The following GNAZ variants were observed in gnomAD, a reference collection of about 807,000 sequenced individuals.
GNAZ encodes guanine nucleotide-binding protein G(z) subunit alpha.
GNAZ carries 3 observed loss-of-function variants against 25.4 expected under a neutral mutation model. That is an observed-to-expected ratio of 0.12 (90% CI 0.05 to 0.30). The LOEUF (loss-of-function observed/expected upper bound fraction) is 0.30, where lower values mean the gene tolerates loss of function less well. Ranked by LOEUF, GNAZ falls within the 10% of genes least tolerant of loss-of-function variation. The pLI is 1.00. For missense variants in GNAZ, 241 were observed against 501.8 expected (o/e 0.48, Z 4.97); for synonymous variants, 211 against 205.7 (o/e 1.03, Z -0.22).
intron 1 of GNAZ, among the ~76,000 whole-genome samples, chr22:23,079,442 G>A (rs2068609777): frequency 6.6e-6 from 1 of 152,156 alleles, no homozygotes; most frequent in African/African-American, 2.4e-5. Flanking sequence ...GGCAGCTAGA[G>A]GCAGCATGGC....
intron 1 of GNAZ, among the ~76,000 whole-genome samples, chr22:23,078,154 AC>A (rs982258961): frequency 6.6e-6 from 1 of 150,650 alleles, no homozygotes; most frequent in Non-Finnish European, 1.5e-5. Flanking sequence ...CAGCATGGTC[AC>A]CCCCTCACCC....
intron 1 of GNAZ, among the ~76,000 whole-genome samples, chr22:23,086,434 G>A (rs1212580047): frequency 1.3e-5 from 2 of 152,248 alleles, no homozygotes; most frequent in Non-Finnish European, 2.9e-5. Flanking sequence ...GGGGTGGCAC[G>A]GAGGTGCAGC....
intron 1 of GNAZ, among the ~76,000 whole-genome samples, chr22:23,078,375 G>T (rs924498938): frequency 6.6e-6 from 1 of 152,214 alleles, no homozygotes; most frequent in Non-Finnish European, 1.5e-5. Flanking sequence ...GCACAGCCAT[G>T]CCCAGCCTTG....
chr22:23,118,185 C>T (rs926369673), intron 2 of GNAZ, among the ~76,000 whole-genome samples: 5 of 152,210 alleles, frequency 3.3e-5, no homozygotes, highest in Non-Finnish European at 7.3e-5. Context: ...ATGACTTCCA[C>T]ACCACCCCAG....
At position 23,071,264 on chromosome 22, in the gene GNAZ, C is replaced by A. The variant is rs1328093821; in HGVS notation, c.-450+694C>A. On this transcript the variant is annotated intron_variant, in intron 1 of 2. Transcript: ENST00000615612. The surrounding 1 kb of genome is among the most constrained non-coding windows in gnomAD (Gnocchi z 4.1). ...CTCAGGGCTGGCGCTCCGTATCCTG[C>A]GGGCGATCCGAGGGGGCTCTGCCTT... Among the ~76,000 whole-genome samples the A allele has an allele frequency of 6.6e-6, 1 of 152,108 alleles. No homozygotes were observed. Among genetic ancestry groups the A allele is most frequent in the Non-Finnish European group, 1.5e-5 (1 of 68,020 alleles).
At chr22:23,087,519 G>A (rs753368004) in intron 1 of GNAZ, among the ~76,000 whole-genome samples, 18 of 152,198 alleles carry the variant, frequency 1.2e-4, no homozygotes, top group Non-Finnish European at 2.1e-4. Context: ...AGACAGAGCC[G>A]ATTCTTCAAG....
intron 2 of GNAZ, among the ~76,000 whole-genome samples, chr22:23,113,888 G>A (rs1446732500): frequency 1.3e-5 from 2 of 152,334 alleles, no homozygotes; most frequent in African/African-American, 2.4e-5. Context: ...GCAGGCACCC[G>A]CTACCGATGG....
intron 2 of GNAZ, among the ~76,000 whole-genome samples, chr22:23,107,856 A>G (rs1209334526): frequency 6.6e-6 from 1 of 152,152 alleles, no homozygotes; most frequent in Non-Finnish European, 1.5e-5. Flanking sequence ...GTTCTGCCAG[A>G]TTGACCCATT....
chr22:23,112,435 G>A (rs2069682050), intron 2 of GNAZ, among the ~76,000 whole-genome samples: 1 of 152,182 alleles, frequency 6.6e-6, no homozygotes, highest in African/African-American at 2.4e-5. Flanking sequence ...TGGTTGAAGA[G>A]GTGCGGGGAG....
At chr22:23,094,755 T>A (rs2069075790) in intron 1 of GNAZ, among the ~76,000 whole-genome samples, 1 of 152,222 alleles carries the variant, frequency 6.6e-6, no homozygotes, top group Non-Finnish European at 1.5e-5. Context: ...CTCCTGGTGC[T>A]TTTCCTCCCT....
At chr22:23,074,037 C>T (rs960068085) in intron 1 of GNAZ, among the ~76,000 whole-genome samples, 6 of 152,160 alleles carry the variant, frequency 3.9e-5, no homozygotes, top group Admixed American at 1.3e-4. Context: ...CTCCCTGGCC[C>T]CTGGAGGCCC....
At chr22:23,087,264 G>A (rs574066221) in intron 1 of GNAZ, among the ~76,000 whole-genome samples, 16 of 152,158 alleles carry the variant, frequency 1.1e-4, no homozygotes, top group East Asian at 3.9e-4. Flanking sequence ...CCAGGAGTTC[G>A]AGACCAGTCT....
intron 1 of GNAZ, among the ~76,000 whole-genome samples, chr22:23,094,099 G>A (rs1217494076): frequency 6.6e-6 from 1 of 152,180 alleles, no homozygotes; most frequent in Non-Finnish European, 1.5e-5. Flanking sequence ...TCTCTGCCTC[G>A]GGCCTTCCCA....
chr22:23,118,264 G>A (rs1323488341), intron 2 of GNAZ, among the ~76,000 whole-genome samples: 1 of 152,228 alleles, frequency 6.6e-6, no homozygotes, highest in Non-Finnish European at 1.5e-5. Context: ...CCGACGCCAA[G>A]CAGTGAGATT....
At chr22:23,093,329 C>T (rs1272932076) in intron 1 of GNAZ, among the ~76,000 whole-genome samples, 2 of 152,200 alleles carry the variant, frequency 1.3e-5, no homozygotes, top group African/African-American at 2.4e-5. Flanking sequence ...GTTCCTCAGC[C>T]TCTCCATTGA....
rs869035514 is a variant in GNAZ at position 23,085,710 on chromosome 22, CAG to C, written c.-449-9532_-449-9531del. 2.6e-4 allele frequency among the ~76,000 whole-genome samples: 39 copies of C among 152,354 alleles called. 1 individual carries two copies. The East Asian group carries it at 7.1e-3, about 28-fold the overall frequency. On this transcript the variant is annotated intron_variant, in intron 1 of 2. Coordinates refer to ENST00000615612, the MANE Select transcript of GNAZ (RefSeq NM_002073.4). The stretch of plus-strand genomic sequence containing the variant: ...CCCTGGTTGTCCCAGCTTGTCCCAG[CAG>C]AGAGGGCCTCTGGCCCTGGTTCCCC...
intron 2 of GNAZ, among the ~76,000 whole-genome samples, chr22:23,099,480 C>T (rs906243150): frequency 2.6e-5 from 4 of 152,274 alleles, no homozygotes; most frequent in African/African-American, 9.6e-5. Context: ...CACAGCCCAG[C>T]AACACAAGGG....
chr22:23,105,718 A>G (rs529481142), intron 2 of GNAZ, among the ~76,000 whole-genome samples: 1 of 152,304 alleles, frequency 6.6e-6, no homozygotes, highest in South Asian at 2.1e-4. Flanking sequence ...AATCTACAAC[A>G]CACCTGTATC....
intron 1 of GNAZ, among the ~76,000 whole-genome samples, chr22:23,080,452 A>G (rs572888303): frequency 6.6e-6 from 1 of 152,316 alleles, no homozygotes; most frequent in East Asian, 1.9e-4. Context: ...TGTCTGTAGG[A>G]TGGGGACACT....
Sources: allele counts gnomAD v4.1 joint callset (sites outside exome capture counted in the v4.1 genomes callset), GRCh38; gene constraint gnomAD v4.1.1; non-coding constraint Gnocchi (gnomAD v3.1); transcripts MANE v1.5; gene names NCBI Gene and HGNC (gene_info 2026-07-23, HGNC 2026-07-21).